SND1: variants seen among roughly 807,000 people sequenced by gnomAD.
SND1 encodes the protein staphylococcal nuclease and tudor domain containing 1.
SND1 carries 38 observed loss-of-function variants against 121.7 expected under a neutral mutation model. The ratio of observed to expected loss-of-function variants is 0.31; its 90% CI spans 0.24 to 0.41. The LOEUF (loss-of-function observed/expected upper bound fraction) is 0.41, where lower values mean the gene tolerates loss of function less well. SND1 is among the 10% of genes least tolerant of loss of function. The pLI is 1.00. For missense variants in SND1, 868 were observed against 1,184.6 expected (o/e 0.73, Z 3.92); for synonymous variants, 401 against 447.4 (o/e 0.90, Z 1.31).
intron 16 of SND1, chr7:128,030,509 C>G: frequency 6.2e-7 from 1 of 1,613,434 alleles, no homozygotes; most frequent in East Asian, 2.2e-5. Flanking sequence ...AGGGGCAGTT[C>G]TGGGGCCCGG....
intron 1 of SND1, among the ~76,000 whole-genome samples, chr7:127,654,235 A>G (rs750098950): frequency 9.9e-5 from 15 of 152,170 alleles, no homozygotes; most frequent in African/African-American, 1.7e-4. Flanking sequence ...ATCACCAATT[A>G]CTTGTTTATT....
At chr7:127,778,881 C>G (rs1468756080) in intron 10 of SND1, among the ~76,000 whole-genome samples, 1 of 152,164 alleles carries the variant, frequency 6.6e-6, no homozygotes, top group Admixed American at 6.5e-5. Flanking sequence ...TCCACCTCAC[C>G]TAGCTGGGAG....
At chr7:127,833,020 C>T (rs913252253) in intron 11 of SND1, among the ~76,000 whole-genome samples, 1 of 152,254 alleles carries the variant, frequency 6.6e-6, no homozygotes, top group African/African-American at 2.4e-5. Context: ...TCTACAAAAT[C>T]GGTCCCTGGT....
chr7:127,988,346 G>T (rs535674294), intron 15 of SND1, among the ~76,000 whole-genome samples: 1 of 152,040 alleles, frequency 6.6e-6, no homozygotes, highest in South Asian at 2.1e-4. Context: ...CTTGAAAAAG[G>T]GCACAGAAGC....
chr7:127,926,586 T>G (rs1445266787), intron 14 of SND1, among the ~76,000 whole-genome samples: 2 of 132,184 alleles, frequency 1.5e-5, no homozygotes, highest in African/African-American at 2.9e-5. Flanking sequence ...GGAGTCTCGC[T>G]CTATCACCCA....
intron 1 of SND1, among the ~76,000 whole-genome samples, chr7:127,661,187 CT>C (rs780955901): frequency 1.3e-3 from 194 of 152,246 alleles, no homozygotes; most frequent in Admixed American, 2.6e-3. Context: ...TAATTTGTGG[CT>C]CAATATTGGG....
At position 128,038,700 on chromosome 7, in the gene SND1, G is replaced by T. The variant is rs1020423516; in HGVS notation, c.1780-35802G>T. Reference sequence around the variant, plus strand: ...GTTACTGGGTTGGGTTTTTTTTTTTGAGGTAATTTTAGACTTATAGACAGG... The same window carrying T: ...GTTACTGGGTTGGGTTTTTTTTTTTTAGGTAATTTTAGACTTATAGACAGG... On this transcript the variant is annotated intron_variant, in intron 16 of 23. Transcript: ENST00000354725. Among the ~76,000 whole-genome samples the T allele has an allele frequency of 2.8e-3, 386 of 135,520 alleles. 1 individual carries two copies. The highest frequency in any genetic ancestry group is 4.6e-3 in the Non-Finnish European group (279 of 60,002). 88.9% of individuals were successfully genotyped at this position (135,520 alleles called of 152,430 possible).
At chr7:127,823,023 C>G (rs1236952861) in intron 11 of SND1, among the ~76,000 whole-genome samples, 1 of 152,158 alleles carries the variant, frequency 6.6e-6, no homozygotes, top group Non-Finnish European at 1.5e-5. Flanking sequence ...TAACAGCAAA[C>G]TACTGAGTCA....
At chr7:128,033,308 T>G (rs563766905) in intron 16 of SND1, among the ~76,000 whole-genome samples, 56 of 152,330 alleles carry the variant, frequency 3.7e-4, no homozygotes, top group African/African-American at 1.3e-3. Context: ...CTCTGCCGAC[T>G]GTGGGTGAGG....
At chr7:127,795,503 G>A (rs1397689196) in intron 10 of SND1, among the ~76,000 whole-genome samples, 2 of 152,098 alleles carry the variant, frequency 1.3e-5, no homozygotes, top group African/African-American at 4.8e-5. Flanking sequence ...TATTTTTAGT[G>A]TATCAGTTCA....
intron 12 of SND1, among the ~76,000 whole-genome samples, chr7:127,857,517 G>A (rs1185218373): frequency 6.6e-6 from 1 of 150,924 alleles, no homozygotes; most frequent in Non-Finnish European, 1.5e-5. Flanking sequence ...TGTAAGTGAG[G>A]TTTCTTTTTT....
At chr7:127,731,834 A>G (rs933203553) in intron 10 of SND1, among the ~76,000 whole-genome samples, 1 of 152,208 alleles carries the variant, frequency 6.6e-6, no homozygotes, top group African/African-American at 2.4e-5. Context: ...TCTCAATCCT[A>G]AAAGATACAA....
At chr7:127,958,621 T>C (rs180797721) in intron 15 of SND1, among the ~76,000 whole-genome samples, 1 of 152,206 alleles carries the variant, frequency 6.6e-6, no homozygotes, top group African/African-American at 2.4e-5. Flanking sequence ...TGGATAAATA[T>C]GACACATCTT....
At chr7:127,844,231 A>T (rs1799016484) in intron 11 of SND1, 93 bp from the exon 12 acceptor site, 6 of 871,700 alleles carry the variant, frequency 6.9e-6, no homozygotes, top group African/African-American at 3.4e-5. Context: ...AACTGGAGTG[A>T]GCTGATCTTT....
intron 12 of SND1, among the ~76,000 whole-genome samples, chr7:127,847,189 T>A (rs1799080661): frequency 6.6e-6 from 1 of 152,166 alleles, no homozygotes; most frequent in African/African-American, 2.4e-5. Flanking sequence ...TGAGAATTGC[T>A]TGAACCCCGG....
chr7:127,731,873 A>T (rs1233543430), intron 10 of SND1, among the ~76,000 whole-genome samples: 1 of 152,240 alleles, frequency 6.6e-6, no homozygotes, highest in African/African-American at 2.4e-5. Context: ...GATACCGTAG[A>T]CGGAACCTGA....
chr7:127,665,815 T>G (rs1422816596), intron 1 of SND1, among the ~76,000 whole-genome samples: 1 of 152,184 alleles, frequency 6.6e-6, no homozygotes, highest in Non-Finnish European at 1.5e-5. Context: ...TAAAAAAAAT[T>G]TTGGTAATAA....
chr7:127,954,859 G>C (rs1801556651), intron 15 of SND1, among the ~76,000 whole-genome samples: 2 of 151,982 alleles, frequency 1.3e-5, no homozygotes, highest in South Asian at 2.1e-4. Flanking sequence ...AATCATAAAG[G>C]GTGTTGCACC....
At chr7:127,687,785 G>A (rs1310806194) in intron 2 of SND1, among the ~76,000 whole-genome samples, 1 of 152,152 alleles carries the variant, frequency 6.6e-6, no homozygotes, top group Non-Finnish European at 1.5e-5. Context: ...CCAGGCTCAA[G>A]TGATCTTCCC....
Sources: allele counts gnomAD v4.1 joint callset (sites outside exome capture counted in the v4.1 genomes callset), GRCh38; gene constraint gnomAD v4.1.1; transcripts MANE v1.5; gene names NCBI Gene and HGNC (gene_info 2026-07-23, HGNC 2026-07-21).